The following ITGA2 variants were observed in gnomAD, a reference collection of about 807,000 sequenced individuals.
ITGA2 encodes the protein integrin alpha-2.
A neutral mutation model predicts 146.3 loss-of-function variants in ITGA2; 101 were observed. The observed-to-expected ratio is 0.69, with a 90% CI of 0.59 to 0.81. The LOEUF (loss-of-function observed/expected upper bound fraction) is 0.81, where lower values mean the gene tolerates loss of function less well. Ranked by LOEUF, ITGA2 falls within the 40% of genes least tolerant of loss-of-function variation. The pLI, the probability that ITGA2 is intolerant of heterozygous loss-of-function variation, is 0.00. For synonymous variants in ITGA2, 477 were observed against 487.1 expected (o/e 0.98, Z 0.27); for missense variants, 1,281 against 1,402.7 (o/e 0.91, Z 1.39).
At chr5:52,997,975 T>C (rs1741358223) in intron 1 of ITGA2, among the ~76,000 whole-genome samples, 1 of 152,182 alleles carries the variant, frequency 6.6e-6, no homozygotes, top group Non-Finnish European at 1.5e-5. Flanking sequence ...ATTTAATAAA[T>C]AGCCCTAATG....
intron 2 of ITGA2, among the ~76,000 whole-genome samples, chr5:53,030,062 T>G (rs1032396585): frequency 6.6e-6 from 1 of 152,142 alleles, no homozygotes; most frequent in Non-Finnish European, 1.5e-5. Flanking sequence ...TCAAGGATTG[T>G]AAGGGGCTCA....
rs1442623921 is a variant in ITGA2 at position 53,048,488 on chromosome 5, A to T, written c.502+11A>T. The T allele has an allele frequency of 1.5e-5, 24 of 1,613,052 alleles. No homozygotes were observed. Among genetic ancestry groups the T allele is most frequent in the Non-Finnish European group, 1.9e-5 (22 of 1,179,054 alleles). On this transcript the variant is annotated intron_variant, in intron 5 of 29. Coordinates refer to ENST00000296585, the MANE Select transcript of ITGA2 (RefSeq NM_002203.4). The stretch of plus-strand genomic sequence containing the variant: ...CACCTGCAACTCAGCGTAAGTTATT[A>T]ATGTGCAGATGGTCTGAGCAATGCC...
intron 1 of ITGA2, among the ~76,000 whole-genome samples, chr5:53,023,035 A>G (rs1324458544): frequency 1.3e-5 from 2 of 152,212 alleles, no homozygotes; most frequent in Admixed American, 6.5e-5. Flanking sequence ...TGGCCTGGTT[A>G]CTGTCAACAC....
chr5:52,996,642 A>T (rs1741270758), intron 1 of ITGA2, among the ~76,000 whole-genome samples: 1 of 152,208 alleles, frequency 6.6e-6, no homozygotes, highest in Non-Finnish European at 1.5e-5. Flanking sequence ...TTTTGGTTTC[A>T]AACATCTTTT....
intron 1 of ITGA2, among the ~76,000 whole-genome samples, chr5:53,017,615 G>A (rs1742457132): frequency 6.6e-6 from 1 of 152,224 alleles, no homozygotes; most frequent in Non-Finnish European, 1.5e-5. Context: ...GTCAGCTGGG[G>A]TGGGGCTCCA....
chr5:52,993,850 T>C (rs1741091679), intron 1 of ITGA2, among the ~76,000 whole-genome samples: 1 of 151,426 alleles, frequency 6.6e-6, no homozygotes, highest in African/African-American at 2.4e-5. Context: ...CAGCTTGGGA[T>C]ATTAGTAAAA....
intron 1 of ITGA2, among the ~76,000 whole-genome samples, chr5:53,000,706 T>G (rs1741533582): frequency 6.6e-6 from 1 of 152,088 alleles, no homozygotes; most frequent in South Asian, 2.1e-4. Flanking sequence ...GCTAAGATGT[T>G]TAAGTTTAGC....
intron 2 of ITGA2, among the ~76,000 whole-genome samples, chr5:53,027,623 C>A (rs3212424): frequency 0.3 from 45,961 of 152,096 alleles, 7,078 homozygotes; most frequent in African/African-American, 0.34. Flanking sequence ...TGCCAGAGTT[C>A]ATGCCCACTG....
rs145972986 is a variant in ITGA2, at chr5:53,059,968, C to A, written c.1268C>A (p.Ala423Asp). The change falls in exon 11 of 30, where the codon GCC becomes GAC. Residue 423 changes from alanine to aspartate, a missense_variant. By Grantham distance (126) the Ala-to-Asp change is moderately radical (BLOSUM62 -2). Around this residue, in one of 3 missense-constraint regions of ITGA2, gnomAD observed 795 missense variants for 841.7 expected, o/e 0.94. Coordinates refer to ENST00000296585, the MANE Select transcript of ITGA2 (RefSeq NM_002203.4). ...GGCCATTTGATCTTTCCTAAACAAG[C>A]CTTTGACCAAATTCTGCAGGACAGA... is the stretch of plus-strand genomic sequence containing the variant. The part of the protein sequence containing the change: ...SHGHLIFPKQ[A>D]FDQILQDRNH... The A allele has an allele frequency of 5.0e-6, 8 of 1,612,282 alleles. No homozygotes were observed. The highest frequency in any genetic ancestry group is 1.1e-5 in the South Asian group (1 of 91,064).
intron 1 of ITGA2, among the ~76,000 whole-genome samples, chr5:53,000,886 T>C (rs1741543093): frequency 6.8e-6 from 1 of 147,728 alleles, no homozygotes; most frequent in Non-Finnish European, 1.5e-5. Flanking sequence ...CTTTTTTTTC[T>C]TTTTCTTTTT....
At chr5:53,021,413 A>C (rs1742674999) in intron 1 of ITGA2, among the ~76,000 whole-genome samples, 1 of 152,184 alleles carries the variant, frequency 6.6e-6, no homozygotes, top group Non-Finnish European at 1.5e-5. Context: ...TGGCCCAGCC[A>C]CCTACTTACA....
intron 26 of ITGA2, among the ~76,000 whole-genome samples, chr5:53,082,241 T>G (rs1745957372): frequency 6.6e-6 from 1 of 152,240 alleles, no homozygotes; most frequent in African/African-American, 2.4e-5. Flanking sequence ...GCTCGGCACA[T>G]ATTAAATATT....
intron 16 of ITGA2, among the ~76,000 whole-genome samples, chr5:53,067,546 C>T (rs572380789): frequency 6.6e-6 from 1 of 151,948 alleles, no homozygotes; most frequent in East Asian, 2.0e-4. Flanking sequence ...CTCCATTTCT[C>T]TTACTTAAAA....
chr5:53,091,155 A>T lies in ITGA2; in HGVS notation c.*556A>T, dbSNP rs1170373551. 1 of 172,292 alleles carries T rather than the reference A, an allele frequency of 5.8e-6. No individual in the cohort carries two copies. The highest frequency in any genetic ancestry group is 1.2e-5 in the Non-Finnish European group (1 of 80,382). The allele number at this position is 172,292 out of a possible 1,614,324, so 10.7% of individuals were successfully genotyped here. On this transcript the variant is annotated 3_prime_UTR_variant, in exon 30 of 30. Transcript: ENST00000296585. ...CCACAGATGATACTTCCAAGTGATA[A>T]TTTTATTTATAAACTAGGTAAAATT...
chr5:53,063,001 A>C, intron 13 of ITGA2, 72 bp downstream of exon 13: 2 of 1,211,262 alleles, frequency 1.7e-6, no homozygotes, highest in Non-Finnish European at 2.4e-6. Context: ...TTTGGAAAGA[A>C]AAATTTATTA....
chr5:53,015,034 C>CA (rs912847623), intron 1 of ITGA2, among the ~76,000 whole-genome samples: 38 of 150,072 alleles, frequency 2.5e-4, no homozygotes, highest in South Asian at 1.3e-3. Context: ...GTCTATTCTT[C>CA]AAAAAAAAAG....
chr5:53,008,850 C>A (rs2111733174), intron 1 of ITGA2, among the ~76,000 whole-genome samples: 1 of 152,192 alleles, frequency 6.6e-6, no homozygotes, highest in South Asian at 2.1e-4. Context: ...TAGGTACAGT[C>A]AATACATTAG....
In ITGA2 at chr5:53,014,041, T is replaced by C. The variant is rs3212405; in HGVS notation, c.65-12707T>C. Among the ~76,000 whole-genome samples the C allele has an allele frequency of 9.6e-3, 1,465 of 152,262 alleles. 27 individuals carry two copies. Among genetic ancestry groups the C allele is most frequent in the African/African-American group, 0.034 (1,395 of 41,564 alleles). Reference sequence around the variant, plus strand: ...ATTTTCTAGGTATAGAATCATATCATCTGCAAACAAATAGTTTGACTTCCT... The same window carrying C: ...ATTTTCTAGGTATAGAATCATATCACCTGCAAACAAATAGTTTGACTTCCT... On this transcript the variant is annotated intron_variant, in intron 1 of 29. Transcript: ENST00000296585.
chr5:53,086,375 G>T (rs80048813), intron 27 of ITGA2, among the ~76,000 whole-genome samples: 5,081 of 152,296 alleles, frequency 0.033, 136 homozygotes, highest in Middle Eastern at 0.061. Flanking sequence ...TTATACTGAT[G>T]TGATATAACA....
Sources: allele counts gnomAD v4.1 joint callset (sites outside exome capture counted in the v4.1 genomes callset), GRCh38; gene constraint gnomAD v4.1.1; regional missense constraint gnomAD v4.1.1; transcripts MANE v1.5; gene names NCBI Gene and HGNC (gene_info 2026-07-23, HGNC 2026-07-21).